The following CEP112 variants were observed in gnomAD, a reference collection of about 807,000 sequenced individuals.
CEP112 encodes centrosomal protein 112.
CEP112 carries 127 observed loss-of-function variants against 153.0 expected under a neutral mutation model. The ratio of observed to expected loss-of-function variants is 0.83; its 90% confidence interval spans 0.72 to 0.96. CEP112 has a LOEUF of 0.96. Ranked by LOEUF, CEP112 falls within the 40% of genes least tolerant of loss-of-function variation. CEP112 has a pLI of 0.00. For missense variants in CEP112, 1,089 were observed against 1,101.2 expected (o/e 0.99, Z 0.16); for synonymous variants, 358 against 374.4 (o/e 0.96, Z 0.51).
intron 20 of CEP112, among the ~76,000 whole-genome samples, chr17:65,884,222 A>C (rs1159598093): frequency 1.3e-5 from 2 of 152,236 alleles, no homozygotes; most frequent in Non-Finnish European, 2.9e-5. Flanking sequence ...AGAAAACAGA[A>C]ACTAACGTGG....
intron 17 of CEP112, among the ~76,000 whole-genome samples, chr17:65,963,125 T>A (rs911227279): frequency 4.6e-5 from 7 of 152,032 alleles, no homozygotes; most frequent in Admixed American, 2.0e-4. Context: ...GCTTCTAGAG[T>A]TCCTGTTGTT....
At chr17:65,885,779 T>C (rs1453452375) in intron 20 of CEP112, among the ~76,000 whole-genome samples, 1 of 152,256 alleles carries the variant, frequency 6.6e-6, no homozygotes, top group East Asian at 1.9e-4. Context: ...GACAGGTATA[T>C]TGAATACAAA....
chr17:66,115,425 C>T (rs2069244563), intron 6 of CEP112, among the ~76,000 whole-genome samples: 1 of 152,232 alleles, frequency 6.6e-6, no homozygotes, highest in African/African-American at 2.4e-5. Context: ...GAGTCAGCAA[C>T]TTGGGCAGCT....
chr17:65,936,254 T>G (rs1305980162), intron 18 of CEP112, among the ~76,000 whole-genome samples: 2 of 151,976 alleles, frequency 1.3e-5, no homozygotes, highest in Non-Finnish European at 2.9e-5. Flanking sequence ...GCAAGAAACT[T>G]CTCAACAAAG....
intron 8 of CEP112, among the ~76,000 whole-genome samples, chr17:66,073,195 T>C (rs574117368): frequency 1.4e-3 from 213 of 152,190 alleles, no homozygotes; most frequent in African/African-American, 4.9e-3. Flanking sequence ...AACCATAAAA[T>C]GGGATAAAAT....
At chr17:66,028,238 G>A (rs2065305046) in intron 15 of CEP112, 75 bp downstream of exon 15, 3 of 806,242 alleles carry the variant, frequency 3.7e-6, no homozygotes, top group South Asian at 3.7e-5. Flanking sequence ...TTTTTTAATT[G>A]ACTCTCAATG....
intron 24 of CEP112, among the ~76,000 whole-genome samples, chr17:65,672,018 G>A (rs1477749202): frequency 6.6e-6 from 1 of 152,176 alleles, no homozygotes; most frequent in Admixed American, 6.5e-5. Flanking sequence ...ATCTGTTTAG[G>A]AATGATACAA....
At chr17:65,813,625 T>C (rs2056106720) in intron 21 of CEP112, among the ~76,000 whole-genome samples, 1 of 152,218 alleles carries the variant, frequency 6.6e-6, no homozygotes, top group Non-Finnish European at 1.5e-5. Context: ...GTAATTCCTC[T>C]GAGCCTCAGT....
intron 23 of CEP112, among the ~76,000 whole-genome samples, chr17:65,703,523 G>GA (rs35175056): frequency 0.51 from 64,057 of 125,248 alleles, 16,580 homozygotes; most frequent in East Asian, 0.7. Context: ...AAAAAAGAAG[G>GA]AAAAAAAAAA....
At position 66,029,996 on chromosome 17, in the gene CEP112, G is replaced by T; in HGVS notation, c.1246C>A (p.Arg416Ser). 1 of 1,613,534 alleles carries T rather than the reference G, an allele frequency of 6.2e-7. No individual in the cohort carries two copies. The highest frequency in any genetic ancestry group is 8.5e-7 in the Non-Finnish European group (1 of 1,179,740). ...GCTTCTCCAGTCAGCTGCTGGACAC[G>T]GGCCTCCAGTTCTTTGATCATGTGG... ...TNHMIKELEA[R>S]VQQLTGEAEN... Residue 416 changes from arginine to serine, a missense_variant, in exon 13 of 27, where the codon CGT becomes AGT. Physicochemically the swap from Arg to Ser is moderately radical, Grantham distance 110 (BLOSUM62 -1). Coordinates refer to ENST00000535342, the MANE Select transcript of CEP112 (RefSeq NM_001199165.4).
intron 17 of CEP112, among the ~76,000 whole-genome samples, chr17:65,987,103 T>G (rs956332529): frequency 2.0e-5 from 3 of 152,020 alleles, no homozygotes; most frequent in African/African-American, 4.8e-5. Flanking sequence ...AAATATACCA[T>G]CAAAATAATC....
At chr17:66,025,122 T>C (rs1313101223) in intron 16 of CEP112, among the ~76,000 whole-genome samples, 6 of 152,070 alleles carry the variant, frequency 3.9e-5, no homozygotes, top group Non-Finnish European at 8.8e-5. Context: ...TCTCACCATA[T>C]ATAAAAATCA....
intron 4 of CEP112, among the ~76,000 whole-genome samples, chr17:66,163,219 A>C (rs903493687): frequency 6.6e-6 from 1 of 152,160 alleles, no homozygotes; most frequent in Non-Finnish European, 1.5e-5. Context: ...TTTAAAGTGT[A>C]CCTATGCACT....
At chr17:66,131,122 T>C (rs898578798) in intron 5 of CEP112, among the ~76,000 whole-genome samples, 2 of 152,228 alleles carry the variant, frequency 1.3e-5, no homozygotes, top group African/African-American at 4.8e-5. Context: ...TAAATTACTA[T>C]GAAGTAATTT....
chr17:66,059,704 C>T lies in CEP112; in HGVS notation c.1074+3259G>A, dbSNP rs7214542. Among the ~76,000 whole-genome samples, 219 of 152,174 alleles carry T rather than the reference C, an allele frequency of 1.4e-3. 2 individuals are homozygous for T. Among genetic ancestry groups the T allele is most frequent in the African/African-American group, 4.6e-3 (192 of 41,518 alleles). ...AATGCTTATATACTGTTAGTGGGAA[C>T]GTAAAGTAGTTCAACCACTGTGGAA... On this transcript the variant is annotated intron_variant, in intron 11 of 26. Transcript: ENST00000535342.
chr17:66,027,942 A>G (rs1337477269), intron 15 of CEP112, among the ~76,000 whole-genome samples: 2 of 149,070 alleles, frequency 1.3e-5, no homozygotes, highest in Non-Finnish European at 3.0e-5. Context: ...GGTGCAAAAG[A>G]GAGAGACAGA....
chr17:65,661,978 A>AT (rs1567827685), intron 24 of CEP112, among the ~76,000 whole-genome samples: 1 of 151,500 alleles, frequency 6.6e-6, no homozygotes, highest in African/African-American at 2.4e-5. Flanking sequence ...TTATTAAAAA[A>AT]TTTTTTTTGA....
chr17:66,141,183 T>C lies in CEP112; in HGVS notation c.471-8420A>G, dbSNP rs962352396. Among the ~76,000 whole-genome samples the C allele has an allele frequency of 3.3e-5, 5 of 149,992 alleles. 1 individual carries two copies. The highest frequency in any genetic ancestry group is 1.0e-4 in the African/African-American group (4 of 39,446). ...TGAGCTGGTTTTCTAATTCACTGAT[T>C]TGATTTTCTGTAATATTTAATCTGC... On this transcript the variant is annotated intron_variant, in intron 4 of 26. Coordinates refer to ENST00000535342, the MANE Select transcript of CEP112 (RefSeq NM_001199165.4).
chr17:65,746,871 T>C (rs1238003436), intron 22 of CEP112, among the ~76,000 whole-genome samples: 1 of 152,150 alleles, frequency 6.6e-6, no homozygotes, highest in Non-Finnish European at 1.5e-5. Context: ...CAACTAAATG[T>C]TTATACTGTA....
Sources: gnomAD v4.1 joint callset for allele counts (sites outside exome capture counted in the v4.1 genomes callset) on GRCh38, gnomAD v4.1.1 for gene constraint, MANE v1.5 for transcripts, NCBI Gene and HGNC (gene_info 2026-07-23, HGNC 2026-07-21) for gene names.